WDR7: variants seen among roughly 807,000 people sequenced by gnomAD.
WDR7 encodes WD repeat domain 7, also known as WD repeat-containing protein 7.
Under a neutral mutation model 169.4 loss-of-function variants are expected in WDR7, and 46 were observed. The observed-to-expected ratio is 0.27, with a 90% CI of 0.21 to 0.35. The LOEUF is 0.35. WDR7 is among the 10% of genes least tolerant of loss of function. The pLI, the probability that WDR7 is intolerant of heterozygous loss-of-function variation, is 1.00. For missense variants in WDR7, 1,534 were observed against 1,859.3 expected (o/e 0.83, Z 3.22); for synonymous variants, 612 against 666.8 (o/e 0.92, Z 1.27).
At chr18:56,800,566 C>T (rs192475666) in intron 19 of WDR7, among the ~76,000 whole-genome samples, 8 of 151,924 alleles carry the variant, frequency 5.3e-5, no homozygotes, top group Non-Finnish European at 1.2e-4. Context: ...AGAAAGTGCT[C>T]CACTGAGATC....
intron 16 of WDR7, among the ~76,000 whole-genome samples, chr18:56,759,556 A>T (rs906545134): frequency 1.3e-4 from 20 of 152,188 alleles, no homozygotes; most frequent in Admixed American, 1.2e-3. Flanking sequence ...ATCTGCATAT[A>T]TCTTTTATAT....
intron 19 of WDR7, among the ~76,000 whole-genome samples, chr18:56,793,510 G>C (rs544990222): frequency 6.6e-6 from 1 of 152,294 alleles, no homozygotes; most frequent in East Asian, 1.9e-4. Flanking sequence ...TCAATTTCTA[G>C]AAAGCACACT....
At chr18:56,932,166 C>T (rs759982735) in intron 22 of WDR7, among the ~76,000 whole-genome samples, 4 of 152,138 alleles carry the variant, frequency 2.6e-5, no homozygotes, top group Non-Finnish European at 5.9e-5. Context: ...GGATGCCATA[C>T]CCTCCAGGTC....
At chr18:56,929,429 G>GT (rs2046850960) in intron 22 of WDR7, among the ~76,000 whole-genome samples, 1 of 152,150 alleles carries the variant, frequency 6.6e-6, no homozygotes, top group South Asian at 2.1e-4. Context: ...CACAATAAAT[G>GT]TTGAATAAAG....
At chr18:56,660,048 G>T (rs1424427531) in intron 1 of WDR7, among the ~76,000 whole-genome samples, 5 of 152,158 alleles carry the variant, frequency 3.3e-5, no homozygotes, top group Non-Finnish European at 7.4e-5. Flanking sequence ...ATAGCCAGTG[G>T]AGTTTACTGA....
chr18:57,000,281 A>G (rs1254035263), intron 26 of WDR7, among the ~76,000 whole-genome samples: 2 of 152,196 alleles, frequency 1.3e-5, no homozygotes, highest in East Asian at 3.8e-4. Context: ...TCAGTGGCCA[A>G]GAAGAAGAGA....
chr18:56,772,542 T>C (rs2044180979), intron 16 of WDR7, among the ~76,000 whole-genome samples: 1 of 152,042 alleles, frequency 6.6e-6, no homozygotes, highest in South Asian at 2.1e-4. Flanking sequence ...AAAATATAAT[T>C]TTTAAATTCT....
At chr18:56,933,991 C>A (rs147627681) in intron 22 of WDR7, among the ~76,000 whole-genome samples, 97 of 152,314 alleles carry the variant, frequency 6.4e-4, no homozygotes, top group Non-Finnish European at 1.2e-3. Context: ...GAAATCTTTG[C>A]CAACTCCAGC....
chr18:56,965,875 T>C (rs2047402039), intron 26 of WDR7, among the ~76,000 whole-genome samples: 1 of 152,162 alleles, frequency 6.6e-6, no homozygotes, highest in African/African-American at 2.4e-5. Flanking sequence ...TCTATGTTAA[T>C]GATTATATAT....
chr18:56,819,392 A>G (rs758415220), intron 20 of WDR7, among the ~76,000 whole-genome samples: 2 of 152,052 alleles, frequency 1.3e-5, no homozygotes, highest in East Asian at 1.9e-4. Flanking sequence ...TTCTTTCTCT[A>G]TCTCTCTTTT....
chr18:56,974,146 G>A (rs959380288), intron 26 of WDR7, among the ~76,000 whole-genome samples: 1 of 152,012 alleles, frequency 6.6e-6, no homozygotes, highest in African/African-American at 2.4e-5. Flanking sequence ...AGATTTTTGT[G>A]TTTTTTCCCA....
At chr18:56,660,606 C>A (rs2024883901) in intron 1 of WDR7, among the ~76,000 whole-genome samples, 1 of 148,712 alleles carries the variant, frequency 6.7e-6, no homozygotes. Context: ...GGAGTGTTGC[C>A]AGAGAAGAGA....
At chr18:56,915,827 C>G (rs2046616521) in intron 21 of WDR7, among the ~76,000 whole-genome samples, 1 of 152,218 alleles carries the variant, frequency 6.6e-6, no homozygotes, top group Non-Finnish European at 1.5e-5. Flanking sequence ...ACTCCTCTCT[C>G]TGGCCAATGG....
chr18:56,944,908 GATAGTGATATTT>G (rs1389324396), intron 25 of WDR7, among the ~76,000 whole-genome samples: 5 of 152,136 alleles, frequency 3.3e-5, no homozygotes, highest in South Asian at 2.1e-4. Context: ...TGGAGAATTA[GATAGTGATATTT>G]ATAGTGATAT....
intron 19 of WDR7, among the ~76,000 whole-genome samples, chr18:56,815,445 C>T (rs780071548): frequency 2.6e-5 from 4 of 152,028 alleles, no homozygotes; most frequent in Non-Finnish European, 5.9e-5. Flanking sequence ...AGAATGGAAG[C>T]TTTTGGCCTC....
Position 56,669,888 on chromosome 18 carries a change from G to A in WDR7, c.-19-2609G>A, listed in dbSNP as rs560345652. On this transcript the variant is annotated intron_variant, in intron 1 of 27. Coordinates refer to ENST00000254442, the MANE Select transcript of WDR7 (RefSeq NM_015285.3). ...TACAATAGGTGATAATGTTGGGAACGTTAAGCATGGTTTATTAACTAATAC... is the reference window on the plus strand; with the variant it reads ...TACAATAGGTGATAATGTTGGGAACATTAAGCATGGTTTATTAACTAATAC... Among the ~76,000 whole-genome samples, 3 of 152,212 alleles carry A rather than the reference G, an allele frequency of 2.0e-5. No individual in the cohort carries two copies. The East Asian group carries it at 5.8e-4, about 29-fold the overall frequency.
chr18:57,010,621 T>C (rs1005343090), intron 26 of WDR7, among the ~76,000 whole-genome samples: 2 of 152,196 alleles, frequency 1.3e-5, no homozygotes, highest in South Asian at 2.1e-4. Flanking sequence ...ATTTTCAAAG[T>C]ATGATTCTAT....
chr18:56,753,623 A>T (rs2043828316), intron 14 of WDR7, among the ~76,000 whole-genome samples: 1 of 127,976 alleles, frequency 7.8e-6, no homozygotes, highest in Non-Finnish European at 1.6e-5. Context: ...TTACTGGGGG[A>T]CAACTGACAA....
At chr18:56,718,250 G>T in intron 13 of WDR7, 91 bp downstream of exon 13, 3 of 1,301,950 alleles carry the variant, frequency 2.3e-6, no homozygotes, top group South Asian at 1.8e-5. Flanking sequence ...GAAGAAAAAA[G>T]GCTTGAAATG....
Sources: allele counts gnomAD v4.1 joint callset (sites outside exome capture counted in the v4.1 genomes callset), GRCh38; gene constraint gnomAD v4.1.1; transcripts MANE v1.5; gene names NCBI Gene and HGNC (gene_info 2026-07-23, HGNC 2026-07-21).